ATG2B: variants seen among roughly 807,000 people sequenced by gnomAD.
ATG2B encodes the protein autophagy-related protein 2 homolog B.
In ATG2B, 121 loss-of-function variants were observed where a neutral mutation model predicts 241.3. The ratio of observed to expected loss-of-function variants is 0.50; its 90% CI spans 0.43 to 0.58. ATG2B has a LOEUF of 0.58. ATG2B is among the 20% of genes least tolerant of loss of function. The pLI, the probability that ATG2B is intolerant of heterozygous loss-of-function variation, is 0.00. For synonymous variants in ATG2B, 858 were observed against 876.6 expected, an observed-to-expected ratio of 0.98 and a Z score of 0.37; for missense variants, 2,306 against 2,491.6, an observed-to-expected ratio of 0.93 and a Z score of 1.59.
chr14:96,306,359 G>A (rs1381413077), intron 30 of ATG2B, among the ~76,000 whole-genome samples: 1 of 151,956 alleles, frequency 6.6e-6, no homozygotes, highest in East Asian at 1.9e-4. Context: ...CCAACCATCA[G>A]CCTTCACACA....
chr14:96,362,730 CTG>C, intron 1 of ATG2B, 83 bp downstream of exon 1: 1 of 1,366,494 alleles, frequency 7.3e-7, no homozygotes. Context: ...GAGGGACTGA[CTG>C]TCACCAATCT....
rs1461892910 is a variant in ATG2B at position 96,315,166 on chromosome 14, G to C, written c.3630C>G (p.Ser1210Arg). Residue 1210 changes from serine (S) to arginine (R), a missense_variant, in exon 23 of 42, where the codon AGC becomes AGG. Ser to Arg is a moderately radical substitution (Grantham distance 110). Transcript: ENST00000359933. ...LQHRMLPSGL[S>R]WHEQILYFLN... is the part of the protein sequence containing the mutation. ...ACAGCTCTCTTACCTGCTCATGCCA[G>C]CTAAGCCCAGAAGGAAGCATTCTAT... The C allele has an allele frequency of 1.2e-6, 2 of 1,613,782 alleles. No individual in the cohort carries two copies. The highest frequency in any genetic ancestry group is 2.7e-5 in the African/African-American group (2 of 74,906).
Position 96,284,495 on chromosome 14 carries a change from A to G in ATG2B, c.*1260T>C, listed in dbSNP as rs915458126. ...TTCAATAATATTCCCCCAACTTTAG[A>G]AAACAGGAAGTCAGGTCATGCAACT... On this transcript the variant is annotated 3_prime_UTR_variant, in exon 42 of 42. Transcript: ENST00000359933. 2.0e-5 allele frequency: 3 copies of G among 152,238 alleles called. No individual in the cohort carries two copies. The highest frequency in any genetic ancestry group is 4.4e-5 in the Non-Finnish European group (3 of 68,030). The allele number at this position is 152,238 out of a possible 1,614,324, so 9.4% of individuals were successfully genotyped here. A position where few individuals can be genotyped will look rare whatever the true frequency, so the allele number is the denominator to read the frequency against.
Position 96,328,401 on chromosome 14 carries a change from T to C in ATG2B, c.2109A>G (p.Thr703=), listed in dbSNP as rs1215566003. The change falls in exon 14 of 42, where the codon ACA becomes ACG. Residue 703 remains threonine, a synonymous_variant. Coordinates refer to ENST00000359933, the MANE Select transcript of ATG2B (RefSeq NM_018036.7). ...ACATGTGGGATGCCATCATCTCTAC[T>C]GTGGCAAGTTTCTGTGGTTGAAGCA... ...NSLLQPQKLA[T]VEMMASHMYT... 1 of 1,613,732 alleles carries C rather than the reference T, an allele frequency of 6.2e-7. No homozygotes were observed. The highest frequency in any genetic ancestry group is 2.2e-5 in the East Asian group (1 of 44,834).
intron 34 of ATG2B, among the ~76,000 whole-genome samples, chr14:96,297,848 G>A (rs1335791852): frequency 6.6e-6 from 1 of 152,080 alleles, no homozygotes; most frequent in Non-Finnish European, 1.5e-5. Flanking sequence ...CTGGAGTACA[G>A]TAGCATGATC....
chr14:96,308,100 TCACTAAATATTCTTTCC>T (rs1887003047), intron 29 of ATG2B, among the ~76,000 whole-genome samples: 1 of 148,976 alleles, frequency 6.7e-6, no homozygotes. Context: ...CAGTAAATAA[TCACTAAATATTCTTTCC>T]CATGTAATTA....
intron 7 of ATG2B, among the ~76,000 whole-genome samples, 178 bp from the exon 8 acceptor site, chr14:96,334,051 A>T (rs1050142899): frequency 7.9e-5 from 12 of 152,222 alleles, no homozygotes; most frequent in African/African-American, 2.7e-4. Context: ...CAGGAATCCC[A>T]AAATCTTATC....
chr14:96,353,580 T>G (rs954690025), intron 1 of ATG2B, among the ~76,000 whole-genome samples: 3 of 151,912 alleles, frequency 2.0e-5, no homozygotes, highest in Non-Finnish European at 2.9e-5. Flanking sequence ...GAGCCGAGAT[T>G]GTGCCACTGC....
At chr14:96,343,563 T>C (rs1249680884) in intron 4 of ATG2B, among the ~76,000 whole-genome samples, 1 of 152,172 alleles carries the variant, frequency 6.6e-6, no homozygotes, top group African/African-American at 2.4e-5. Flanking sequence ...CTACCATAAA[T>C]ATTTTCATGA....
intron 18 of ATG2B, among the ~76,000 whole-genome samples, chr14:96,320,987 T>C (rs1887442960): frequency 6.6e-6 from 1 of 152,010 alleles, no homozygotes; most frequent in Admixed American, 6.5e-5. Context: ...ATAAAACAAA[T>C]ATAAAAATAT....
Position 96,285,568 on chromosome 14 carries a change from A to G in ATG2B, c.*187T>C, listed in dbSNP as rs1300809437. 3.3e-6 allele frequency: 2 copies of G among 605,178 alleles called. No individual in the cohort carries two copies. The highest frequency in any genetic ancestry group is 5.6e-5 in the East Asian group (2 of 35,700). The allele number at this position is 605,178 out of a possible 1,614,324, so 37.5% of individuals were successfully genotyped here. ...CAGCCACCAAACATTTCTATAGGCA[A>G]GTATCAACTATAAATGTCAGAAGTT... On this transcript the variant is annotated 3_prime_UTR_variant, in exon 42 of 42. Coordinates refer to ENST00000359933, the MANE Select transcript of ATG2B (RefSeq NM_018036.7). This position sits in a 1 kb window ranked among gnomAD's most constrained non-coding sequence, Gnocchi z 4.2.
chr14:96,330,998 C>T (rs1427609399), intron 11 of ATG2B, among the ~76,000 whole-genome samples: 1 of 152,186 alleles, frequency 6.6e-6, no homozygotes, highest in Non-Finnish European at 1.5e-5. Flanking sequence ...TTTTATTTTT[C>T]ATCACCACTG....
chr14:96,296,369 T>C (rs749778292), intron 34 of ATG2B, among the ~76,000 whole-genome samples: 3 of 152,184 alleles, frequency 2.0e-5, no homozygotes, highest in African/African-American at 4.8e-5. Context: ...TTGCCCATTA[T>C]AGGCAGCTTC....
chr14:96,343,218 A>T lies in ATG2B; in HGVS notation c.645T>A (p.Ala215=). 2 of 1,612,190 alleles carry T rather than the reference A, an allele frequency of 1.2e-6. No homozygotes were observed. The highest frequency in any genetic ancestry group is 8.5e-7 in the Non-Finnish European group (1 of 1,178,914). Reference sequence around the variant, plus strand: ...AGAGCTGAAGTAACTTGTGAGCAAAAGCAGTGGGTTGATGCACATTAATTC... The same window carrying T: ...AGAGCTGAAGTAACTTGTGAGCAAATGCAGTGGGTTGATGCACATTAATTC... ...SSGINVHQPT[A]FAHKLLQLSG... Residue 215 remains alanine (A), a synonymous_variant, in exon 5 of 42, where the codon GCT becomes GCA. Coordinates refer to ENST00000359933, the MANE Select transcript of ATG2B (RefSeq NM_018036.7).
At position 96,325,736 on chromosome 14, in the gene ATG2B, A is replaced by C; in HGVS notation, c.2350T>G (p.Phe784Val). 1.2e-6 allele frequency: 2 copies of C among 1,613,942 alleles called. No individual in the cohort carries two copies. The highest frequency in any genetic ancestry group is 2.2e-5 in the South Asian group (2 of 91,082). The change falls in exon 15 of 42, where the codon TTC (phenylalanine) becomes GTC (valine). Residue 784 changes from phenylalanine to valine, a missense_variant. Physicochemically the swap from Phe to Val is conservative, Grantham distance 50. Coordinates refer to ENST00000359933, the MANE Select transcript of ATG2B (RefSeq NM_018036.7). ...TCAGTCTTAAATTCTAGATCTGTGA[A>C]GGCTAAATAAAGGATCTCCTTCTGA... ...SLQKEILYLAFTDLEFKTEFI... is the reference protein window; with the variant it reads ...SLQKEILYLAVTDLEFKTEFI...
In ATG2B at chr14:96,331,398, C is replaced by A. The variant is rs1387086475; in HGVS notation, c.1708G>T (p.Ala570Ser). ...FKSFRAVFAE[A>S]CSHDHLRFIG... ...TACCTAAGGTGATCGTGTGAGCAAG[C>A]TTCTGCAAACACTGCTCGGAAAGAC... The change falls in exon 11 of 42, where the codon GCT becomes TCT. Residue 570 changes from alanine (A) to serine (S), a missense_variant. This residue lies in a region of ATG2B where 1,927 missense variants were observed against 2,011.2 expected (regional missense o/e 0.96). Coordinates refer to ENST00000359933, the MANE Select transcript of ATG2B (RefSeq NM_018036.7). 2 of 1,613,524 alleles carry A rather than the reference C, an allele frequency of 1.2e-6. No homozygotes were observed. Among genetic ancestry groups the A allele is most frequent in the Non-Finnish European group, 1.7e-6 (2 of 1,179,848 alleles).
chr14:96,299,755 A>T lies in ATG2B; in HGVS notation c.5139+2252T>A, dbSNP rs971439629. The stretch of plus-strand genomic sequence containing the variant: ...TTTGGAAGCAGTTGCACTTACCTTC[A>T]ATGGCAATGCAGCTTTTTCAAAAAC... On this transcript the variant is annotated intron_variant, in intron 34 of 41. Coordinates refer to ENST00000359933, the MANE Select transcript of ATG2B (RefSeq NM_018036.7). 3.3e-5 allele frequency among the ~76,000 whole-genome samples: 5 copies of T among 152,194 alleles called. 1 individual carries two copies. The highest frequency in any genetic ancestry group is 2.0e-4 in the Admixed American group (3 of 15,280).
chr14:96,317,448 T>C, intron 19 of ATG2B, 131 bp from the exon 20 acceptor site: 2 of 820,126 alleles, frequency 2.4e-6, no homozygotes, highest in South Asian at 2.0e-5. Context: ...AAATACATAC[T>C]GTTTTTCTCT....
chr14:96,302,277 T>C (rs1034974198), intron 33 of ATG2B, among the ~76,000 whole-genome samples, 169 bp from the exon 34 acceptor site: 1 of 152,196 alleles, frequency 6.6e-6, no homozygotes, highest in African/African-American at 2.4e-5. Flanking sequence ...TTGGGTCACA[T>C]GCCCCCATCA....
Sources: allele counts gnomAD v4.1 joint callset (sites outside exome capture counted in the v4.1 genomes callset), GRCh38; gene constraint gnomAD v4.1.1; regional missense constraint gnomAD v4.1.1; non-coding constraint Gnocchi (gnomAD v3.1); transcripts MANE v1.5; gene names NCBI Gene and HGNC (gene_info 2026-07-23, HGNC 2026-07-21).